Variants in HS6ST3 observed in about 807,000 individuals in gnomAD.
The protein encoded by HS6ST3 is heparan-sulfate 6-O-sulfotransferase 3.
Under a neutral mutation model 36.7 loss-of-function variants are expected in HS6ST3, and 12 were observed. That is an observed-to-expected ratio of 0.33 (90% CI 0.21 to 0.53). The LOEUF (loss-of-function observed/expected upper bound fraction) is 0.53, where lower values mean the gene tolerates loss of function less well. Ranked by LOEUF, HS6ST3 falls within the 20% of genes least tolerant of loss-of-function variation. HS6ST3 has a pLI of 0.95. For synonymous variants in HS6ST3, 240 were observed against 257.5 expected, an observed-to-expected ratio of 0.93 and a Z score of 0.65; for missense variants, 584 against 640.9, an observed-to-expected ratio of 0.91 and a Z score of 0.96.
At chr13:96,628,811 C>A (rs1247984113) in intron 1 of HS6ST3, among the ~76,000 whole-genome samples, 2 of 151,388 alleles carry the variant, frequency 1.3e-5, no homozygotes, top group Non-Finnish European at 3.0e-5. Context: ...CTTATATGTT[C>A]AGAATGTGTG....
chr13:96,392,876 G>A (rs907073357), intron 1 of HS6ST3, among the ~76,000 whole-genome samples: 25 of 152,140 alleles, frequency 1.6e-4, no homozygotes, highest in African/African-American at 6.0e-4. Flanking sequence ...GTTTACATTA[G>A]CATATTGTCA....
chr13:96,705,435 A>G lies in HS6ST3; in HGVS notation c.708-127055A>G, dbSNP rs116813409. On this transcript the variant is annotated intron_variant, in intron 1 of 1. Coordinates refer to ENST00000376705, the MANE Select transcript of HS6ST3 (RefSeq NM_153456.4). ...CTCCAGGTGATAATATTCATGGGAT[A>G]CTGTGTATTTTGGCATATTTCTCTT... Among the ~76,000 whole-genome samples, 872 of 152,300 alleles carry G rather than the reference A, an allele frequency of 5.7e-3. 5 individuals carry two copies. The highest frequency in any genetic ancestry group is 0.02 in the African/African-American group (832 of 41,554).
intron 1 of HS6ST3, among the ~76,000 whole-genome samples, chr13:96,465,959 T>A (rs199826391): frequency 2.3e-4 from 2 of 8,552 alleles, no homozygotes; most frequent in Admixed American, 1.7e-3. Flanking sequence ...CATTTTTTTA[T>A]TTGTGTGTGT....
chr13:96,148,620 T>G (rs546421745), intron 1 of HS6ST3, among the ~76,000 whole-genome samples: 1 of 152,278 alleles, frequency 6.6e-6, no homozygotes, highest in Non-Finnish European at 1.5e-5. Flanking sequence ...AGATAATGAA[T>G]TTTAGGAAAG....
chr13:96,315,681 T>A (rs1222774761), intron 1 of HS6ST3, among the ~76,000 whole-genome samples: 2 of 39,038 alleles, frequency 5.1e-5, no homozygotes, highest in African/African-American at 2.3e-4. Context: ...AAAAATGCCA[T>A]TTTTTTTTAA....
chr13:96,145,087 G>T (rs2054050638), intron 1 of HS6ST3, among the ~76,000 whole-genome samples: 1 of 107,916 alleles, frequency 9.3e-6, no homozygotes, highest in African/African-American at 3.5e-5. Flanking sequence ...TTGCTATTGT[G>T]AATAGTGCCG....
chr13:96,223,577 A>G (rs753058619), intron 1 of HS6ST3, among the ~76,000 whole-genome samples: 3 of 152,118 alleles, frequency 2.0e-5, no homozygotes, highest in Non-Finnish European at 4.4e-5. Context: ...GACCAGAGCA[A>G]TTGCTTTCAG....
chr13:96,721,163 G>C (rs1875837641), intron 1 of HS6ST3, among the ~76,000 whole-genome samples: 1 of 152,162 alleles, frequency 6.6e-6, no homozygotes, highest in South Asian at 2.1e-4. Flanking sequence ...TGAAGAGCAA[G>C]GTGTTCATGT....
At chr13:96,731,527 C>A (rs773991862) in intron 1 of HS6ST3, among the ~76,000 whole-genome samples, 12 of 152,004 alleles carry the variant, frequency 7.9e-5, no homozygotes, top group Non-Finnish European at 1.6e-4. Flanking sequence ...TATCTTGGCT[C>A]TTGTGAATAG....
chr13:96,328,571 G>T (rs1471304734), intron 1 of HS6ST3, among the ~76,000 whole-genome samples: 3 of 151,784 alleles, frequency 2.0e-5, no homozygotes, highest in Admixed American at 2.0e-4. Flanking sequence ...TGTGCTGCTG[G>T]ATTCGGTTTG....
At chr13:96,118,649 TATATATATATATATATATATATATATATA>T (rs2053905738) in intron 1 of HS6ST3, among the ~76,000 whole-genome samples, 1 of 4,466 alleles carries the variant, frequency 2.2e-4, no homozygotes, top group African/African-American at 3.3e-4. Flanking sequence ...ATTAAAGATA[TATATATATATATATATATATATATATATA>T]TATATATATA....
intron 1 of HS6ST3, among the ~76,000 whole-genome samples, chr13:96,125,247 A>C (rs926665061): frequency 5.3e-5 from 8 of 152,290 alleles, no homozygotes; most frequent in Admixed American, 5.2e-4. Flanking sequence ...TCCTGGGTTA[A>C]GGTAGTAATT....
intron 1 of HS6ST3, among the ~76,000 whole-genome samples, chr13:96,623,216 A>T (rs1012870829): frequency 1.3e-5 from 2 of 152,172 alleles, no homozygotes; most frequent in African/African-American, 4.8e-5. Context: ...CCAGCCAAGA[A>T]TCAGGGTAAA....
At chr13:96,423,797 T>G (rs1009379508) in intron 1 of HS6ST3, among the ~76,000 whole-genome samples, 1 of 152,048 alleles carries the variant, frequency 6.6e-6, no homozygotes, top group African/African-American at 2.4e-5. Flanking sequence ...CTGGATACTG[T>G]GTCGAGAATA....
At chr13:96,119,522 G>A (rs368088356) in intron 1 of HS6ST3, among the ~76,000 whole-genome samples, 2 of 152,020 alleles carry the variant, frequency 1.3e-5, no homozygotes, top group African/African-American at 2.4e-5. Flanking sequence ...AAATTTGGGC[G>A]GATAATAGAT....
chr13:96,235,617 A>AT (rs903356698), intron 1 of HS6ST3, among the ~76,000 whole-genome samples: 1 of 151,840 alleles, frequency 6.6e-6, no homozygotes, highest in African/African-American at 2.4e-5. Context: ...GTCCTCTATT[A>AT]TTTTTTTTAA....
At chr13:96,435,803 CT>C (rs60227298) in intron 1 of HS6ST3, among the ~76,000 whole-genome samples, 73,499 of 150,516 alleles carry the variant, frequency 0.49, 18,911 homozygotes, top group African/African-American at 0.67. Context: ...GTTATCACTC[CT>C]TTTTTTTTTA....
At chr13:96,421,963 A>C (rs1192326265) in intron 1 of HS6ST3, among the ~76,000 whole-genome samples, 2 of 152,170 alleles carry the variant, frequency 1.3e-5, no homozygotes, top group Non-Finnish European at 2.9e-5. Context: ...CAGCTTTTTC[A>C]TATCTTTACA....
chr13:96,680,130 G>C (rs1410016901), intron 1 of HS6ST3, among the ~76,000 whole-genome samples: 4 of 152,118 alleles, frequency 2.6e-5, no homozygotes, highest in African/African-American at 4.8e-5. Flanking sequence ...TGCTATGAAA[G>C]ACCTTAAGCC....
Sources: allele counts gnomAD v4.1 joint callset (sites outside exome capture counted in the v4.1 genomes callset), GRCh38; gene constraint gnomAD v4.1.1; transcripts MANE v1.5; gene names NCBI Gene and HGNC (gene_info 2026-07-23, HGNC 2026-07-21).